Variants in XDH observed in about 807,000 individuals in gnomAD.
XDH encodes xanthine dehydrogenase/oxidase.
In XDH, 138 loss-of-function variants were observed where a neutral mutation model predicts 156.1. That is an observed-to-expected ratio of 0.88 (90% CI 0.77 to 1.02). The LOEUF (loss-of-function observed/expected upper bound fraction) is 1.02, where lower values mean the gene tolerates loss of function less well. Ranked by LOEUF, XDH falls within the 50% of genes least tolerant of loss-of-function variation. The probability of loss-of-function intolerance (pLI) is 0.00; values close to 1 mark genes in which losing one functional copy is unlikely to be tolerated. For missense variants in XDH, 1,849 were observed against 1,684.9 expected (o/e 1.10, Z -1.71); for synonymous variants, 669 against 625.7 (o/e 1.07, Z -1.03).
At chr2:31,408,174 T>G in intron 1 of XDH, among the ~76,000 whole-genome samples, 1 of 152,244 alleles carries the variant, frequency 6.6e-6, no homozygotes, top group East Asian at 1.9e-4. Context: ...CCTGCCAAGC[T>G]GGTCATCTTA....
intron 26 of XDH, 103 bp downstream of exon 26, chr2:31,349,583 A>C (rs1381522509): frequency 6.5e-7 from 1 of 1,528,916 alleles, no homozygotes; most frequent in South Asian, 1.1e-5. Context: ...CAGCAGTCTC[A>C]TAAGTTATCC....
chr2:31,337,418 G>A (rs1030221631), intron 35 of XDH, among the ~76,000 whole-genome samples: 4 of 152,136 alleles, frequency 2.6e-5, no homozygotes, highest in Admixed American at 2.6e-4. Flanking sequence ...CCATCTCTAA[G>A]GAGGCCCAGC....
chr2:31,337,932 C>T, intron 34 of XDH, 115 bp from the exon 35 acceptor site: 1 of 1,121,436 alleles, frequency 8.9e-7, no homozygotes, highest in Non-Finnish European at 1.3e-6. Flanking sequence ...CTGGTGGCAC[C>T]AGGAAAGCAC....
intron 28 of XDH, 131 bp from the exon 29 acceptor site, chr2:31,347,781 C>T: frequency 8.1e-7 from 1 of 1,236,468 alleles, no homozygotes; most frequent in South Asian, 1.5e-5. Context: ...ATCTCATTGT[C>T]TGGGATGTCC....
chr2:31,408,559 G>A (rs1479537560), intron 1 of XDH, among the ~76,000 whole-genome samples: 6 of 152,198 alleles, frequency 3.9e-5, no homozygotes, highest in East Asian at 1.9e-4. Context: ...TAAAACCTAT[G>A]AGTCCAAATA....
intron 18 of XDH, 94 bp downstream of exon 18, chr2:31,370,261 T>TGG: frequency 6.9e-7 from 1 of 1,445,964 alleles, no homozygotes; most frequent in Non-Finnish European, 9.6e-7. Flanking sequence ...TGCAAATGTA[T>TGG]AACCTTTCCA....
rs1210260083 is a variant in XDH at position 31,349,805 on chromosome 2, T to A, written c.2850A>T (p.Glu950Asp). The A allele has an allele frequency of 6.2e-7, 1 of 1,614,046 alleles. No individual in the cohort carries two copies. Among genetic ancestry groups the A allele is most frequent in the Admixed American group, 1.7e-5 (1 of 60,006 alleles). ...TCTGGTTGAAGTGTGTCAGGTCCCC[T>A]TCTTTGTACAGGTTTTTTCTCCGCA... is the stretch of plus-strand genomic sequence containing the variant. The part of the protein sequence containing the change: ...EEVRRKNLYK[E>D]GDLTHFNQKL... The change falls in exon 26 of 36, where the codon GAA (glutamate) becomes GAT (aspartate). Residue 950 changes from glutamate to aspartate, a missense_variant. Transcript: ENST00000379416.
Position 31,339,346 on chromosome 2 carries a change from C to A in XDH, c.3774+143G>T, listed in dbSNP as rs556380607. On this transcript the variant is annotated intron_variant, in intron 34 of 35. Transcript: ENST00000379416. ...TGCCCAACTATCCCACTGCCCCTAC[C>A]AAGGTCAGTGTCAAACCATCTTCCC... The A allele has an allele frequency of 4.3e-6, 5 of 1,154,204 alleles. No homozygotes were observed. In the East Asian group the frequency reaches 7.1e-5, roughly 16 times the overall value. The allele number at this position is 1,154,204 out of a possible 1,614,324, so 71.5% of individuals were successfully genotyped here. A position where few individuals can be genotyped will look rare whatever the true frequency, so the allele number is the denominator to read the frequency against.
intron 2 of XDH, among the ~76,000 whole-genome samples, chr2:31,404,195 G>A (rs1473725610): frequency 6.6e-6 from 1 of 152,164 alleles, no homozygotes; most frequent in Non-Finnish European, 1.5e-5. Flanking sequence ...CAGACTGGGT[G>A]AGCTCCCTTC....
chr2:31,378,955 A>G (rs1300505668), intron 13 of XDH, among the ~76,000 whole-genome samples: 1 of 152,178 alleles, frequency 6.6e-6, no homozygotes, highest in African/African-American at 2.4e-5. Context: ...AAACCACCTC[A>G]GGGATATAAA....
Position 31,367,861 on chromosome 2 carries a change from C to T in XDH, c.2197+100G>A, listed in dbSNP as rs1330161602. The T allele has an allele frequency of 2.6e-6, 3 of 1,175,042 alleles. No individual in the cohort carries two copies. The African/African-American group carries it at 4.5e-5, about 18-fold the overall frequency. 72.8% of individuals were successfully genotyped at this position (1,175,042 alleles called of 1,614,324 possible). On this transcript the variant is annotated intron_variant, in intron 20 of 35. Coordinates refer to ENST00000379416, the MANE Select transcript of XDH (RefSeq NM_000379.4). ...AGGGAATCTTCTGTCAGGAAATGTC[C>T]AGAAATCACTTCCCTGCTTCAGGGT...
intron 24 of XDH, among the ~76,000 whole-genome samples, chr2:31,354,145 TAAG>T (rs1352019016): frequency 1.3e-5 from 2 of 152,090 alleles, no homozygotes; most frequent in Non-Finnish European, 2.9e-5. Flanking sequence ...TGCCCAGAAG[TAAG>T]AAGGAGTTGT....
chr2:31,335,602 C>A lies in XDH; in HGVS notation c.*356G>T. 2.6e-6 allele frequency: 1 copy of A among 377,978 alleles called. No homozygotes were observed. Among genetic ancestry groups the A allele is most frequent in the Non-Finnish European group, 5.0e-6 (1 of 200,118 alleles). 23.4% of individuals were successfully genotyped at this position (377,978 alleles called of 1,614,324 possible). On this transcript the variant is annotated 3_prime_UTR_variant, in exon 36 of 36. Coordinates refer to ENST00000379416, the MANE Select transcript of XDH (RefSeq NM_000379.4). ...GCTTCTAGAGGTTTGTGGGAATCCT[C>A]TTCAAAGGACAGACACCATCAGAAC...
At chr2:31,375,944 T>C (rs45449798) in intron 14 of XDH, among the ~76,000 whole-genome samples, 2,497 of 152,322 alleles carry the variant, frequency 0.016, 34 homozygotes, top group Middle Eastern at 0.048. Flanking sequence ...ACTTATGTTA[T>C]CTATTTGGTA....
chr2:31,392,944 CT>C lies in XDH; in HGVS notation c.496-4650del, dbSNP rs1686807302. On this transcript the variant is annotated intron_variant, in intron 6 of 35. Transcript: ENST00000379416. ...AAGCATTTGGGGGTTTTCCAGCTAT[CT>C]TTCTGTTATCGATATCTAGTTTAAT... 2.0e-5 allele frequency among the ~76,000 whole-genome samples: 3 copies of C among 152,246 alleles called. No individual in the cohort carries two copies. The South Asian group carries it at 6.2e-4, about 32-fold the overall frequency.
chr2:31,351,928 T>C (rs777185048), intron 24 of XDH, among the ~76,000 whole-genome samples: 1 of 152,242 alleles, frequency 6.6e-6, no homozygotes, highest in Non-Finnish European at 1.5e-5. Context: ...AAATCTTCTC[T>C]TTGTCCTCAG....
chr2:31,396,722 T>G (rs1686915384), intron 6 of XDH, among the ~76,000 whole-genome samples: 1 of 152,208 alleles, frequency 6.6e-6, no homozygotes, highest in Admixed American at 6.5e-5. Flanking sequence ...TGCCTCAAAT[T>G]GAACCCAGGT....
intron 2 of XDH, among the ~76,000 whole-genome samples, chr2:31,405,508 C>T (rs1296096931): frequency 6.6e-6 from 1 of 152,132 alleles, no homozygotes. Flanking sequence ...CCCTTGCTTC[C>T]CTCCACCTAG....
chr2:31,345,546 A>C (rs1685257563), intron 30 of XDH, among the ~76,000 whole-genome samples: 1 of 152,202 alleles, frequency 6.6e-6, no homozygotes, highest in South Asian at 2.1e-4. Flanking sequence ...AGCACTTTGC[A>C]TACATTATCT....
Sources: gnomAD v4.1 joint callset for allele counts (sites outside exome capture counted in the v4.1 genomes callset) on GRCh38, gnomAD v4.1.1 for gene constraint, MANE v1.5 for transcripts, NCBI Gene and HGNC (gene_info 2026-07-23, HGNC 2026-07-21) for gene names.